Variants in PTPRN2 observed in about 807,000 individuals in gnomAD.
PTPRN2 encodes the protein receptor-type tyrosine-protein phosphatase N2.
A neutral mutation model predicts 118.8 loss-of-function variants in PTPRN2; 74 were observed. The ratio of observed to expected loss-of-function variants is 0.62; its 90% CI spans 0.52 to 0.76. The LOEUF (loss-of-function observed/expected upper bound fraction) is 0.76, where lower values mean the gene tolerates loss of function less well. Ranked by LOEUF, PTPRN2 falls within the 30% of genes least tolerant of loss-of-function variation. The pLI, the probability that PTPRN2 is intolerant of heterozygous loss-of-function variation, is 0.00. For synonymous variants in PTPRN2, 641 were observed against 608.0 expected, an observed-to-expected ratio of 1.05 and a Z score of -0.80; for missense variants, 1,481 against 1,394.4, an observed-to-expected ratio of 1.06 and a Z score of -0.99.
intron 12 of PTPRN2, among the ~76,000 whole-genome samples, chr7:157,844,359 G>T (rs1463235018): frequency 6.6e-6 from 1 of 152,250 alleles, no homozygotes; most frequent in Non-Finnish European, 1.5e-5. Context: ...CCTCCAGGCA[G>T]CTGAAGGCCT....
In PTPRN2 at chr7:158,007,550, C is replaced by T. The variant is rs755396837; in HGVS notation, c.1723+73748G>A. Among the ~76,000 whole-genome samples the T allele has an allele frequency of 1.1e-4, 16 of 152,230 alleles. No individual in the cohort carries two copies. In the East Asian group the frequency reaches 2.5e-3, roughly 24 times the overall value. On this transcript the variant is annotated intron_variant, in intron 11 of 22. Transcript: ENST00000389418. ...CCTCCCACAGGGAGCAGAGAGCGGA[C>T]GATGGCCGGTGGTGATGAGATGTGG...
intron 1 of PTPRN2, among the ~76,000 whole-genome samples, chr7:158,583,029 G>A (rs1272599900): frequency 6.6e-6 from 1 of 152,116 alleles, no homozygotes; most frequent in African/African-American, 2.4e-5. Context: ...TTCTTAATGA[G>A]ACCATGTCTG....
chr7:158,204,289 GA>G (rs201460636), intron 4 of PTPRN2, among the ~76,000 whole-genome samples: 2,231 of 152,112 alleles, frequency 0.015, 27 homozygotes, highest in Non-Finnish European at 0.022. Flanking sequence ...GCGTTCTGAG[GA>G]AAGAGGCAAC....
intron 2 of PTPRN2, among the ~76,000 whole-genome samples, chr7:158,440,967 GTGT>G (rs1336471411): frequency 4.0e-5 from 6 of 148,776 alleles, no homozygotes; most frequent in South Asian, 4.2e-4. Flanking sequence ...GGTAGTAGTG[GTGT>G]TGGTGGTAGT....
At chr7:158,028,365 G>T (rs73171507) in intron 11 of PTPRN2, 9,029 of 152,796 alleles carry the variant, frequency 0.059, 298 homozygotes, top group Admixed American at 0.09. Context: ...TTCAAAGGGA[G>T]CCTGAAGAAC....
intron 15 of PTPRN2, among the ~76,000 whole-genome samples, chr7:157,613,814 C>T (rs937089533): frequency 9.2e-5 from 14 of 152,160 alleles, no homozygotes; most frequent in Non-Finnish European, 1.9e-4. Context: ...CGCAGGGGTC[C>T]CGAGGGCACC....
chr7:158,256,199 T>C (rs1405353237), intron 3 of PTPRN2, among the ~76,000 whole-genome samples: 1 of 152,180 alleles, frequency 6.6e-6, no homozygotes, highest in African/African-American at 2.4e-5. Flanking sequence ...GGTCCTCTTC[T>C]GTTGTCTCCC....
At chr7:158,407,352 T>C (rs866904645) in intron 2 of PTPRN2, among the ~76,000 whole-genome samples, 1 of 96,682 alleles carries the variant, frequency 1.0e-5, no homozygotes, top group African/African-American at 3.3e-5. Flanking sequence ...TCCTGGGTCC[T>C]GGGTCCTGCG....
intron 11 of PTPRN2, among the ~76,000 whole-genome samples, chr7:158,012,538 G>C (rs1267199207): frequency 6.6e-6 from 1 of 152,226 alleles, no homozygotes; most frequent in Non-Finnish European, 1.5e-5. Flanking sequence ...GGAGGCATGG[G>C]CAGTGGCCCT....
chr7:158,151,011 T>G (rs1425080129), intron 6 of PTPRN2, among the ~76,000 whole-genome samples: 2 of 148,608 alleles, frequency 1.3e-5, no homozygotes, highest in Middle Eastern at 6.9e-3. Context: ...CTGCCTCCTA[T>G]GCGGGAAGCC....
chr7:157,696,642 A>G (rs1476112149), intron 12 of PTPRN2, among the ~76,000 whole-genome samples: 45 of 128,770 alleles, frequency 3.5e-4, no homozygotes, highest in African/African-American at 1.1e-3. Flanking sequence ...ACTGGGTCTT[A>G]GTAGAGCCCT....
intron 11 of PTPRN2, among the ~76,000 whole-genome samples, chr7:158,064,884 T>G (rs1423849175): frequency 1.3e-5 from 2 of 152,158 alleles, no homozygotes; most frequent in African/African-American, 4.8e-5. Context: ...CTCCTGGGGA[T>G]GGGGCACAGA....
At chr7:158,422,549 T>C (rs962227266) in intron 2 of PTPRN2, among the ~76,000 whole-genome samples, 1 of 152,250 alleles carries the variant, frequency 6.6e-6, no homozygotes, top group Non-Finnish European at 1.5e-5. Flanking sequence ...AAAGAAACCC[T>C]GTAGTCCACA....
chr7:157,963,943 C>T (rs1428628680), intron 11 of PTPRN2, among the ~76,000 whole-genome samples: 1 of 152,216 alleles, frequency 6.6e-6, no homozygotes, highest in African/African-American at 2.4e-5. Context: ...GCCTTGGCCT[C>T]CCAAAGTGCT....
At chr7:157,649,594 T>C (rs867983644) in intron 14 of PTPRN2, among the ~76,000 whole-genome samples, 11 of 58,650 alleles carry the variant, frequency 1.9e-4, no homozygotes, top group South Asian at 7.2e-4. Flanking sequence ...TCGGACCCAT[T>C]CACTGTGCAC....
rs77032812 is a variant in PTPRN2, at chr7:157,767,424, T to C, written c.1789-84487A>G. Among the ~76,000 whole-genome samples the C allele has an allele frequency of 2.5e-3, 384 of 152,334 alleles. 2 individuals carry two copies. Among genetic ancestry groups the C allele is most frequent in the African/African-American group, 9.0e-3 (376 of 41,584 alleles). On this transcript the variant is annotated intron_variant, in intron 12 of 22. Transcript: ENST00000389418. The stretch of plus-strand genomic sequence containing the variant: ...CCAATCTTTCTCTCTCCTTCTACCT[T>C]GATAATGATGCCTGACACTTTGTAC...
intron 11 of PTPRN2, among the ~76,000 whole-genome samples, chr7:158,077,646 G>A (rs1035064696): frequency 5.3e-5 from 8 of 151,962 alleles, no homozygotes; most frequent in East Asian, 1.9e-4. Flanking sequence ...GCCTGAACTC[G>A]GCCTGAAGGA....
At chr7:157,989,699 C>T (rs1036149378) in intron 11 of PTPRN2, among the ~76,000 whole-genome samples, 1 of 152,104 alleles carries the variant, frequency 6.6e-6, no homozygotes, top group African/African-American at 2.4e-5. Context: ...CGGGTGCCAC[C>T]TCACCTTCGG....
chr7:157,974,525 G>T lies in PTPRN2; in HGVS notation c.1724-75788C>A, dbSNP rs1454496930. Among the ~76,000 whole-genome samples the T allele has an allele frequency of 6.6e-6, 1 of 152,190 alleles. No homozygotes were observed. Among genetic ancestry groups the T allele is most frequent in the Non-Finnish European group, 1.5e-5 (1 of 68,038 alleles). On this transcript the variant is annotated intron_variant, in intron 11 of 22. Transcript: ENST00000389418. This position sits in a 1 kb window ranked among gnomAD's most constrained non-coding sequence, Gnocchi z 4.0. ...GTGGGAACCGTCGGTCCTGCCATGGGACGATGTGACTGGGGGCTCGTCCAT... is the reference window on the plus strand; with the variant it reads ...GTGGGAACCGTCGGTCCTGCCATGGTACGATGTGACTGGGGGCTCGTCCAT...
Sources: gnomAD v4.1 joint callset for allele counts (sites outside exome capture counted in the v4.1 genomes callset) on GRCh38, gnomAD v4.1.1 for gene constraint, Gnocchi (gnomAD v3.1) non-coding constraint, MANE v1.5 for transcripts, NCBI Gene and HGNC (gene_info 2026-07-23, HGNC 2026-07-21) for gene names.